The following CHD2 variants were observed in gnomAD, a reference collection of about 807,000 sequenced individuals.
CHD2 encodes ATP-dependent chromatin remodeler CHD2.
CHD2 carries 28 observed loss-of-function variants against 243.9 expected under a neutral mutation model. The observed-to-expected ratio is 0.11, with a 90% CI of 0.09 to 0.16. The LOEUF is 0.16. CHD2 is among the 10% of genes least tolerant of loss of function. The pLI, the probability that CHD2 is intolerant of heterozygous loss-of-function variation, is 1.00. For synonymous variants in CHD2, 775 were observed against 779.0 expected, an observed-to-expected ratio of 0.99 and a Z score of 0.09; for missense variants, 1,386 against 2,209.8, an observed-to-expected ratio of 0.63 and a Z score of 7.47.
chr15:92,908,003 ATTTTTTTTTTTTT>A (rs71877681), intron 2 of CHD2, among the ~76,000 whole-genome samples: 146 of 107,618 alleles, frequency 1.4e-3, no homozygotes, highest in African/African-American at 5.1e-3. Context: ...CTCTCTTAGA[ATTTTTTTTTTTTT>A]TTTTTTTTTT....
chr15:92,970,648 C>A (rs576029789), intron 17 of CHD2, among the ~76,000 whole-genome samples: 1 of 152,184 alleles, frequency 6.6e-6, no homozygotes, highest in African/African-American at 2.4e-5. Flanking sequence ...TCTCTGCCTT[C>A]CTTTTTTCCT....
At chr15:92,977,830 T>C (rs1052974882) in intron 20 of CHD2, among the ~76,000 whole-genome samples, 1 of 152,266 alleles carries the variant, frequency 6.6e-6, no homozygotes, top group Non-Finnish European at 1.5e-5. Flanking sequence ...CTGTTTATAC[T>C]AACTGACTTA....
rs561682092 is a variant in CHD2 at position 92,908,696 on chromosome 15, T to C, written c.62+7397T>C. On this transcript the variant is annotated intron_variant, in intron 2 of 38. Coordinates refer to ENST00000394196, the MANE Select transcript of CHD2 (RefSeq NM_001271.4). ...TTTTAAATTCCCTTTTTAGTCTTAA[T>C]AGCTGCTTGAGTTAGGACCTCTGGA... Among the ~76,000 whole-genome samples, 4 of 152,348 alleles carry C rather than the reference T, an allele frequency of 2.6e-5. No individual in the cohort carries two copies. The South Asian group carries it at 8.3e-4, about 32-fold the overall frequency.
chr15:92,908,549 GCTCT>G (rs756181170), intron 2 of CHD2, among the ~76,000 whole-genome samples: 2 of 152,088 alleles, frequency 1.3e-5, no homozygotes, highest in African/African-American at 4.8e-5. Flanking sequence ...ATTTTTAAAA[GCTCT>G]CTGTGTTTCA....
chr15:92,943,091 A>G (rs760671961), intron 9 of CHD2, 23 bp downstream of exon 9: 4 of 1,567,874 alleles, frequency 2.6e-6, no homozygotes, highest in Non-Finnish European at 3.5e-6. Context: ...TCATGGATTA[A>G]AGAAATGTAT....
intron 7 of CHD2, among the ~76,000 whole-genome samples, chr15:92,940,556 T>C (rs1368057739): frequency 6.6e-6 from 1 of 151,784 alleles, no homozygotes; most frequent in Non-Finnish European, 1.5e-5. Context: ...TTGTTCTTCA[T>C]AGAGATGGTG....
chr15:92,969,015 C>T (rs866225195), intron 17 of CHD2, among the ~76,000 whole-genome samples: 14 of 152,226 alleles, frequency 9.2e-5, no homozygotes, highest in African/African-American at 2.9e-4. Context: ...TCTGCATACT[C>T]CTTTACTAGG....
intron 37 of CHD2, among the ~76,000 whole-genome samples, chr15:93,018,695 T>C (rs1452646985): frequency 2.0e-5 from 3 of 152,222 alleles, no homozygotes; most frequent in South Asian, 2.1e-4. Flanking sequence ...ATGCCTCTCT[T>C]CTGCCTTCTG....
intron 16 of CHD2, chr15:92,965,522 C>G (rs2053747004): frequency 1.4e-5 from 2 of 145,304 alleles, no homozygotes; most frequent in Non-Finnish European, 3.0e-5. Flanking sequence ...CGAGATCGCA[C>G]CACTGCACTC....
At chr15:92,930,653 A>G (rs1000466119) in intron 5 of CHD2, among the ~76,000 whole-genome samples, 3 of 151,858 alleles carry the variant, frequency 2.0e-5, no homozygotes, top group African/African-American at 7.3e-5. Context: ...GCTGGTTTCA[A>G]CCTCCTGAGC....
intron 5 of CHD2, among the ~76,000 whole-genome samples, chr15:92,931,275 T>C (rs2053161632): frequency 6.6e-6 from 1 of 152,214 alleles, no homozygotes; most frequent in Non-Finnish European, 1.5e-5. Flanking sequence ...TTTAAAAAAA[T>C]TAATTCCAAA....
intron 2 of CHD2, among the ~76,000 whole-genome samples, chr15:92,906,782 C>A (rs2052631198): frequency 6.7e-6 from 1 of 150,148 alleles, no homozygotes; most frequent in African/African-American, 2.5e-5. Flanking sequence ...AACAAAGAAA[C>A]TTAAAAAAAA....
chr15:92,918,984 A>G (rs371759931), intron 2 of CHD2, among the ~76,000 whole-genome samples: 1 of 151,708 alleles, frequency 6.6e-6, no homozygotes, highest in Non-Finnish European at 1.5e-5. Context: ...TCAGCCTCCA[A>G]AGTAGCTGGG....
rs762542559 is a variant in CHD2, at chr15:92,985,553, C to A, written c.3293C>A (p.Ser1098Tyr). 1 of 1,614,078 alleles carries A rather than the reference C, an allele frequency of 6.2e-7. No homozygotes were observed. The highest frequency in any genetic ancestry group is 8.5e-7 in the Non-Finnish European group (1 of 1,179,972). Reference protein sequence around the residue: ...DTESKRQAQRSSASESETEDS... With the variant: ...DTESKRQAQRYSASESETEDS... ...GAGTCTAAGAGGCAGGCCCAGAGAT[C>A]CTCTGCTTCTGAGAGTGAAACGGAA... Residue 1098 changes from serine (S) to tyrosine (Y), a missense_variant, in exon 26 of 39, where the codon TCC becomes TAC. This residue lies in a region of CHD2 where 99 missense variants were observed against 206.4 expected (regional missense o/e 0.48). Transcript: ENST00000394196.
intron 37 of CHD2, among the ~76,000 whole-genome samples, chr15:93,017,341 G>T (rs1455113845): frequency 2.0e-5 from 3 of 150,718 alleles, no homozygotes; most frequent in African/African-American, 7.3e-5. Flanking sequence ...CTTTTTTTGG[G>T]AGATGGAGCC....
chr15:92,971,709 C>A, intron 17 of CHD2, 56 bp from the exon 18 acceptor site: 1 of 1,513,998 alleles, frequency 6.6e-7, no homozygotes, highest in Non-Finnish European at 9.0e-7. Context: ...TCTTCTGGTA[C>A]CTACAACTTT....
intron 19 of CHD2, among the ~76,000 whole-genome samples, chr15:92,972,907 C>T (rs2053861225): frequency 6.6e-6 from 1 of 151,938 alleles, no homozygotes; most frequent in African/African-American, 2.4e-5. Context: ...ACTTGCATGC[C>T]TTTAGGCTAC....
chr15:93,004,631 T>C lies in CHD2; in HGVS notation c.4293T>C (p.Asp1431=), dbSNP rs1213086657. ...KDKKEKPKSG[D]AKSSSKSKRS... Reference sequence around the variant, plus strand: ...TTTTTTAAAAGCCTAAAAGTGGTGATGCCAAATCTTCGAGTAAATCAAAGC... The same window carrying C: ...TTTTTTAAAAGCCTAAAAGTGGTGACGCCAAATCTTCGAGTAAATCAAAGC... The change falls in exon 34 of 39, where the codon GAT becomes GAC. Residue 1431 remains aspartate (D), a synonymous_variant. Coordinates refer to ENST00000394196, the MANE Select transcript of CHD2 (RefSeq NM_001271.4). 4.3e-6 allele frequency: 7 copies of C among 1,612,508 alleles called. No individual in the cohort carries two copies. The highest frequency in any genetic ancestry group is 2.2e-5 in the South Asian group (2 of 90,832).
intron 12 of CHD2, chr15:92,947,588 G>T (rs146740171): frequency 6.6e-6 from 1 of 152,338 alleles, no homozygotes; most frequent in Non-Finnish European, 1.5e-5. Flanking sequence ...TGTAATAGCA[G>T]TATATAGGAG....
Sources: gnomAD v4.1 joint callset for allele counts (sites outside exome capture counted in the v4.1 genomes callset) on GRCh38, gnomAD v4.1.1 for gene constraint, gnomAD v4.1.1 regional missense constraint, MANE v1.5 for transcripts, NCBI Gene and HGNC (gene_info 2026-07-23, HGNC 2026-07-21) for gene names.